Variants in GOLGA4 observed in about 807,000 individuals in gnomAD.
GOLGA4 encodes the protein golgin A4.
In GOLGA4, 169 loss-of-function variants were observed where a neutral mutation model predicts 265.9. The observed-to-expected ratio is 0.64, with a 90% CI of 0.56 to 0.72. The LOEUF (loss-of-function observed/expected upper bound fraction) is 0.72. Ranked by LOEUF, GOLGA4 falls within the 30% of genes least tolerant of loss-of-function variation. GOLGA4 has a pLI of 0.00. For missense variants in GOLGA4, 2,482 were observed against 2,483.4 expected, an observed-to-expected ratio of 1.00 and a Z score of 0.01; for synonymous variants, 923 against 855.8, an observed-to-expected ratio of 1.08 and a Z score of -1.37.
intron 11 of GOLGA4, among the ~76,000 whole-genome samples, chr3:37,317,251 C>T (rs2096940299): frequency 6.6e-6 from 1 of 152,062 alleles, no homozygotes; most frequent in African/African-American, 2.4e-5. Context: ...TTCACTGCAT[C>T]CTCCGCCCCC....
intron 2 of GOLGA4, among the ~76,000 whole-genome samples, chr3:37,274,047 C>T (rs2096806348): frequency 6.8e-6 from 1 of 147,812 alleles, no homozygotes; most frequent in South Asian, 2.1e-4. Flanking sequence ...TTGTCATGAG[C>T]TGAGTTTGTG....
At chr3:37,321,529 AG>A in intron 12 of GOLGA4, 1 of 504,076 alleles carries the variant, frequency 2.0e-6, no homozygotes. Flanking sequence ...TCATATCAGT[AG>A]TAATTGTGGC....
In GOLGA4 at chr3:37,299,381, CA is replaced by C. The variant is rs2096887053; in HGVS notation, c.1086+14del. 1 of 1,570,320 alleles carries C rather than the reference CA, an allele frequency of 6.4e-7. No homozygotes were observed. Among genetic ancestry groups the C allele is most frequent in the African/African-American group, 1.3e-5 (1 of 74,096 alleles). ...GCTTGAACAAGATAAGGTAAAACAA[CA>C]AAACCTATGATACTAAAATTTGTCA... On this transcript the variant is annotated intron_variant, in intron 9 of 23. Transcript: ENST00000361924.
rs752258092 is a variant in GOLGA4, at chr3:37,326,439, C to T, written c.4553C>T (p.Thr1518Ile). The T allele has an allele frequency of 6.2e-7, 1 of 1,612,162 alleles. No homozygotes were observed. Residue 1518 changes from threonine (T) to isoleucine (I), a missense_variant, in exon 14 of 24, where the codon ACA (threonine) becomes ATA (isoleucine). This residue lies in a region of GOLGA4 where 942 missense variants were observed against 983.1 expected (regional missense o/e 0.96). Coordinates refer to ENST00000361924, the MANE Select transcript of GOLGA4 (RefSeq NM_002078.5). ...KMEKKESNLE[T>I]ELKSQTARIM... ...GAGAAAAAGGAGTCTAATTTAGAAA[C>T]AGAGTTAAAGTCTCAAACAGCAAGA...
chr3:37,362,590 G>A (rs901496284), intron 23 of GOLGA4, among the ~76,000 whole-genome samples: 4 of 151,496 alleles, frequency 2.6e-5, no homozygotes, highest in Non-Finnish European at 5.9e-5. Flanking sequence ...TGGCTGGAGG[G>A]CAGTAGTGTG....
At chr3:37,286,130 A>ATTTC in intron 4 of GOLGA4, 69 bp downstream of exon 4, 1 of 304,974 alleles carries the variant, frequency 3.3e-6, no homozygotes, top group South Asian at 3.3e-5. Context: ...ATAGTAAGAT[A>ATTTC]TTTCTTTCTT....
At chr3:37,327,936 C>A in intron 14 of GOLGA4, 111 bp downstream of exon 14, 1 of 814,240 alleles carries the variant, frequency 1.2e-6, no homozygotes, top group Non-Finnish European at 1.9e-6. Context: ...TTCACCAACC[C>A]AAAATATTAA....
At chr3:37,263,811 T>A (rs2096776650) in intron 2 of GOLGA4, among the ~76,000 whole-genome samples, 1 of 152,214 alleles carries the variant, frequency 6.6e-6, no homozygotes, top group African/African-American at 2.4e-5. Context: ...TCAGTGTTGA[T>A]TCAACTGATG....
At position 37,325,724 on chromosome 3, in the gene GOLGA4, C is replaced by T; in HGVS notation, c.3838C>T (p.Gln1280Ter). Residue 1280 changes from glutamine (Q) to a stop codon, truncating the protein, a stop_gained, in exon 14 of 24, where the codon CAG becomes TAG. Transcript: ENST00000361924. LOFTEE classifies it high-confidence loss of function. ...TTCTGAATTAGAAGCACAACTTAGACAGTTGACAGAGGAGCAAAATACACT... is the reference window on the plus strand; with the variant it reads ...TTCTGAATTAGAAGCACAACTTAGATAGTTGACAGAGGAGCAAAATACACT... ...TVSELEAQLR[Q>*]LTEEQNTLNI... 6.2e-7 allele frequency: 1 copy of T among 1,613,266 alleles called. No individual in the cohort carries two copies. Among genetic ancestry groups the T allele is most frequent in the Non-Finnish European group, 8.5e-7 (1 of 1,179,242 alleles).
Position 37,324,637 on chromosome 3 carries a change from A to G in GOLGA4, c.2751A>G (p.Arg917=). The G allele has an allele frequency of 6.2e-7, 1 of 1,612,822 alleles. No homozygotes were observed. The highest frequency in any genetic ancestry group is 8.5e-7 in the Non-Finnish European group (1 of 1,179,228). The change falls in exon 14 of 24, where the codon AGA becomes AGG. Residue 917 remains arginine, a synonymous_variant. Transcript: ENST00000361924. Reference sequence around the variant, plus strand: ...AGGAAAATATGATTTTACAAATGAGAGAAGGACAGAAGAAAGAAATTGAGA... The same window carrying G: ...AGGAAAATATGATTTTACAAATGAGGGAAGGACAGAAGAAAGAAATTGAGA... The part of the protein sequence containing the change: ...VEKENMILQM[R]EGQKKEIEIL...
chr3:37,336,606 C>CAAA (rs556236243), intron 17 of GOLGA4, among the ~76,000 whole-genome samples: 1 of 136,254 alleles, frequency 7.3e-6, no homozygotes, highest in Non-Finnish European at 1.6e-5. Context: ...GCTAAAAATA[C>CAAA]AAAAAAAAAA....
intron 11 of GOLGA4, among the ~76,000 whole-genome samples, chr3:37,317,216 C>T (rs375297102): frequency 3.9e-5 from 6 of 152,222 alleles, no homozygotes; most frequent in East Asian, 3.9e-4. Flanking sequence ...TGTCACCAGG[C>T]TGGAGTGCAA....
intron 9 of GOLGA4, 70 bp downstream of exon 9, chr3:37,299,441 G>T: frequency 2.3e-6 from 2 of 867,480 alleles, no homozygotes; most frequent in Non-Finnish European, 3.7e-6. Context: ...GAAACAGTTG[G>T]AAACATTCAT....
chr3:37,326,721 A>C lies in GOLGA4; in HGVS notation c.4835A>C (p.Asn1612Thr), dbSNP rs1006497336. The change falls in exon 14 of 24, where the codon AAT becomes ACT. Residue 1612 changes from asparagine (N) to threonine (T), a missense_variant. Transcript: ENST00000361924. ...AAGAAGAAAGAATTAGAACATGTGAATTTAAGTGTGAAAAGCAAAGAGGAG... is the reference window on the plus strand; with the variant it reads ...AAGAAGAAAGAATTAGAACATGTGACTTTAAGTGTGAAAAGCAAAGAGGAG... Reference protein sequence around the residue: ...ETKKKELEHVNLSVKSKEEEL... With the variant: ...ETKKKELEHVTLSVKSKEEEL... The C allele has an allele frequency of 3.1e-6, 5 of 1,613,664 alleles. No individual in the cohort carries two copies. Among genetic ancestry groups the C allele is most frequent in the Non-Finnish European group, 4.2e-6 (5 of 1,179,728 alleles).
intron 1 of GOLGA4, among the ~76,000 whole-genome samples, chr3:37,247,663 A>T (rs2096723116): frequency 6.6e-6 from 1 of 152,190 alleles, no homozygotes; most frequent in African/African-American, 2.4e-5. Context: ...GCATGGCATG[A>T]CTGGGTTCTC....
intron 2 of GOLGA4, among the ~76,000 whole-genome samples, chr3:37,254,506 ATTAATTGTTTTAATTAAACAATTGT>A (rs944623237): frequency 2.6e-5 from 4 of 151,956 alleles, no homozygotes; most frequent in Non-Finnish European, 5.9e-5. Context: ...TAATTAAAAA[ATTAATTGTTTTAATTAAACAATTGT>A]TTAATTGTTT....
chr3:37,326,609 G>C lies in GOLGA4; in HGVS notation c.4723G>C (p.Glu1575Gln). 1 of 1,613,260 alleles carries C rather than the reference G, an allele frequency of 6.2e-7. No individual in the cohort carries two copies. The highest frequency in any genetic ancestry group is 2.2e-5 in the East Asian group (1 of 44,830). Residue 1575 changes from glutamate (E) to glutamine (Q), a missense_variant, in exon 14 of 24, where the codon GAA (glutamate) becomes CAA (glutamine). Transcript: ENST00000361924. ...KLQHFQELGE[E>Q]KDNRVKEAEE... is the part of the protein sequence containing the mutation. ...TCAACATTTTCAAGAGTTAGGAGAA[G>C]AAAAGGACAACAGGGTTAAAGAAGC...
At chr3:37,330,552 C>G (rs2096986595) in intron 16 of GOLGA4, among the ~76,000 whole-genome samples, 1 of 152,144 alleles carries the variant, frequency 6.6e-6, no homozygotes, top group South Asian at 2.1e-4. Flanking sequence ...ACCGTATACC[C>G]TTTGACATGG....
chr3:37,328,307 T>A, intron 14 of GOLGA4, 109 bp from the exon 15 acceptor site: 1 of 974,620 alleles, frequency 1.0e-6, no homozygotes. Context: ...CTCTCAAAAA[T>A]GTTTTCATAC....
Sources: allele counts gnomAD v4.1 joint callset (sites outside exome capture counted in the v4.1 genomes callset), GRCh38; gene constraint gnomAD v4.1.1; regional missense constraint gnomAD v4.1.1; transcripts MANE v1.5; gene names NCBI Gene and HGNC (gene_info 2026-07-23, HGNC 2026-07-21).